The following WLS variants were observed in gnomAD, a reference collection of about 807,000 sequenced individuals.
WLS encodes Wnt ligand secretion mediator, also known as protein wntless homolog.
A neutral mutation model predicts 62.8 loss-of-function variants in WLS; 23 were observed. That is an observed-to-expected ratio of 0.37 (90% CI 0.26 to 0.52). The LOEUF (loss-of-function observed/expected upper bound fraction) is 0.52, where lower values mean the gene tolerates loss of function less well. WLS is among the 20% of genes least tolerant of loss of function. The pLI, the probability that WLS is intolerant of heterozygous loss-of-function variation, is 0.92. For missense variants in WLS, 615 were observed against 697.3 expected (o/e 0.88, Z 1.33); for synonymous variants, 246 against 244.1 (o/e 1.01, Z -0.07).
intron 1 of WLS, among the ~76,000 whole-genome samples, chr1:68,198,696 C>T (rs993396099): frequency 6.6e-6 from 1 of 151,890 alleles, no homozygotes; most frequent in African/African-American, 2.4e-5. Flanking sequence ...AGGAAGCAGA[C>T]AATAAATAAA....
chr1:68,169,753 A>G (rs1647118731), intron 2 of WLS, among the ~76,000 whole-genome samples: 1 of 152,220 alleles, frequency 6.6e-6, no homozygotes, highest in Non-Finnish European at 1.5e-5. Context: ...ATGATTTCTA[A>G]AACACTTTCA....
chr1:68,158,882 A>G (rs1025674414), intron 3 of WLS, among the ~76,000 whole-genome samples: 1 of 152,216 alleles, frequency 6.6e-6, no homozygotes, highest in Non-Finnish European at 1.5e-5. Context: ...GGGGCAAGGT[A>G]CTCAGAGGCT....
intron 4 of WLS, among the ~76,000 whole-genome samples, chr1:68,154,655 G>A (rs1273665670): frequency 6.6e-6 from 1 of 152,154 alleles, no homozygotes; most frequent in South Asian, 2.1e-4. Context: ...CACAATTCTT[G>A]TGGGACTTTG....
intron 2 of WLS, chr1:68,183,565 C>G (rs766826955): frequency 9.4e-6 from 5 of 532,800 alleles, no homozygotes; most frequent in Non-Finnish European, 1.9e-5. Context: ...CAGAAGGATT[C>G]TTTGACTTTC....
chr1:68,170,160 C>CTTTTTTTTTTTTTTTTTTT (rs571306573), intron 2 of WLS, among the ~76,000 whole-genome samples: 1 of 86,752 alleles, frequency 1.2e-5, no homozygotes, highest in Non-Finnish European at 2.3e-5. Context: ...GCTACTATTT[C>CTTTTTTTTTTTTTTTTTTT]TTTTTTTTTT....
rs150712294 is a variant in WLS, at chr1:68,170,121, G to A, written c.380-10874C>T. Among the ~76,000 whole-genome samples, 65 of 151,148 alleles carry A rather than the reference G, an allele frequency of 4.3e-4. No homozygotes were observed. In the East Asian group the frequency reaches 0.011, roughly 25 times the overall value. Reference sequence around the variant, plus strand: ...GGTGCCAAGCACTCAGCACAGGCCTGGCATATAGTAAGCACTCAGTCAATG... The same window carrying A: ...GGTGCCAAGCACTCAGCACAGGCCTAGCATATAGTAAGCACTCAGTCAATG... On this transcript the variant is annotated intron_variant, in intron 2 of 11. Coordinates refer to ENST00000262348, the MANE Select transcript of WLS (RefSeq NM_024911.7).
At chr1:68,230,614 TTGAG>T (rs1389368018) in intron 1 of WLS, among the ~76,000 whole-genome samples, 1 of 151,618 alleles carries the variant, frequency 6.6e-6, no homozygotes, top group Non-Finnish European at 1.5e-5. Flanking sequence ...TGTGTGTGTG[TTGAG>T]GGTGAGGGTT....
intron 10 of WLS, among the ~76,000 whole-genome samples, chr1:68,138,639 T>C (rs1319615952): frequency 6.6e-6 from 1 of 152,198 alleles, no homozygotes; most frequent in Non-Finnish European, 1.5e-5. Context: ...TGAAGCTGCT[T>C]TTGTCTGTGT....
rs149452440 is a variant in WLS, at chr1:68,152,170, A to G, written c.803+1347T>C. On this transcript the variant is annotated intron_variant, in intron 5 of 11. Transcript: ENST00000262348. Reference sequence around the variant, plus strand: ...GGGAATAGGTTGGAAATGGGACACAATCAAGTGTTGTTCTTGGTACATGTG... The same window carrying G: ...GGGAATAGGTTGGAAATGGGACACAGTCAAGTGTTGTTCTTGGTACATGTG... Among the ~76,000 whole-genome samples the G allele has an allele frequency of 1.1e-4, 17 of 152,348 alleles. No individual in the cohort carries two copies. The East Asian group carries it at 2.5e-3, about 22-fold the overall frequency.
chr1:68,202,759 A>G (rs1649091773), intron 1 of WLS: 1 of 152,146 alleles, frequency 6.6e-6, no homozygotes, highest in African/African-American at 2.4e-5. Flanking sequence ...TTAATTTACT[A>G]CCTTGGGCTA....
At chr1:68,149,966 G>C (rs1260941229) in intron 6 of WLS, among the ~76,000 whole-genome samples, 2 of 152,234 alleles carry the variant, frequency 1.3e-5, no homozygotes, top group Non-Finnish European at 2.9e-5. Context: ...AGGGACCCGA[G>C]ATTCAGAGTG....
chr1:68,148,641 T>C lies in WLS; in HGVS notation c.992A>G (p.His331Arg). Residue 331 changes from histidine to arginine, a missense_variant, in exon 7 of 12, where the codon CAC becomes CGC. Physicochemically the swap from His to Arg is conservative, Grantham distance 29 (BLOSUM62 0). Transcript: ENST00000262348. ...EHMMDQHERN[H>R]IAGYWKQVGP... ...GACTTGCTTCCAATACCCTGCGATG[T>C]GGTTCCGCTCGTGCTGATCCTGAGG... 6.2e-7 allele frequency: 1 copy of C among 1,614,044 alleles called. No homozygotes were observed.
At chr1:68,137,974 G>C (rs534138530) in intron 10 of WLS, 41 bp from the exon 11 acceptor site, 2 of 1,607,188 alleles carry the variant, frequency 1.2e-6, no homozygotes, top group Admixed American at 3.4e-5. Context: ...AAACAGAGAA[G>C]AAACAGAAGA....
At chr1:68,193,448 A>G (rs1648478716) in intron 2 of WLS, among the ~76,000 whole-genome samples, 2 of 135,164 alleles carry the variant, frequency 1.5e-5, no homozygotes, top group Non-Finnish European at 3.1e-5. Flanking sequence ...AAAAACGAAA[A>G]AAAAACCTGG....
In WLS at chr1:68,192,580, C is replaced by CA. The variant is rs1303181728; in HGVS notation, c.379+1374dup. ...CAAAAGAGAAAGAACCTGTCACACA[C>CA]ACAAAAAAAAAAGAATAAAAAATTA... On this transcript the variant is annotated intron_variant, in intron 2 of 11. Transcript: ENST00000262348. Among the ~76,000 whole-genome samples, 5 of 131,232 alleles carry CA rather than the reference C, an allele frequency of 3.8e-5. No individual in the cohort carries two copies. In the Admixed American group the frequency reaches 4.2e-4, roughly 11 times the overall value. The allele number at this position is 131,232 out of a possible 152,430, so 86.1% of individuals were successfully genotyped here.
intron 2 of WLS, among the ~76,000 whole-genome samples, chr1:68,175,097 C>G (rs1051917109): frequency 2.6e-5 from 4 of 152,206 alleles, no homozygotes; most frequent in African/African-American, 9.6e-5. Flanking sequence ...GGCCTGTTCT[C>G]CCTCCAAAGT....
intron 1 of WLS, among the ~76,000 whole-genome samples, chr1:68,221,861 AC>A (rs1347345586): frequency 6.6e-6 from 1 of 152,244 alleles, no homozygotes; most frequent in African/African-American, 2.4e-5. Flanking sequence ...CACTCAAATC[AC>A]AAAAATACAC....
At position 68,144,577 on chromosome 1, in the gene WLS, C is replaced by A. The variant is rs778142595; in HGVS notation, c.1354G>T (p.Val452Phe). The A allele has an allele frequency of 2.7e-5, 43 of 1,613,210 alleles. No homozygotes were observed. Among genetic ancestry groups the A allele is most frequent in the Non-Finnish European group, 3.3e-5 (39 of 1,179,502 alleles). ...TCTCAGGGTCCACTTACCTGACTAA[C>A]GATGAAGAAGATGACAGTCATGGCA... ...CAAMTVIFFI[V>F]SQVTEGHWKW... is the part of the protein sequence containing the mutation. Residue 452 changes from valine (V) to phenylalanine (F), a missense_variant, in exon 10 of 12, where the codon GTT (valine) becomes TTT (phenylalanine). By Grantham distance (50) the Val-to-Phe change is conservative (BLOSUM62 -1). Transcript: ENST00000262348.
intron 11 of WLS, among the ~76,000 whole-genome samples, chr1:68,104,956 C>T (rs1646125216): frequency 6.6e-6 from 1 of 152,226 alleles, no homozygotes; most frequent in Admixed American, 6.5e-5. Context: ...GGATTGCACC[C>T]TCCTGTCTCT....
Sources: gnomAD v4.1 joint callset for allele counts (sites outside exome capture counted in the v4.1 genomes callset) on GRCh38, gnomAD v4.1.1 for gene constraint, MANE v1.5 for transcripts, NCBI Gene and HGNC (gene_info 2026-07-23, HGNC 2026-07-21) for gene names.